Variants in AKT1 observed in about 807,000 individuals in gnomAD.
The protein encoded by AKT1 is AKT serine/threonine kinase 1, also known as RAC-alpha serine/threonine-protein kinase.
AKT1 carries 21 observed loss-of-function variants against 63.1 expected under a neutral mutation model. That is an observed-to-expected ratio of 0.33 (90% confidence interval 0.24 to 0.48). AKT1 has a LOEUF of 0.48. Among genes scored for constraint, AKT1 ranks in the 20% least tolerant of loss-of-function variants. The pLI is 0.99. For synonymous variants in AKT1, 257 were observed against 253.1 expected, an observed-to-expected ratio of 1.02 and a Z score of -0.15; for missense variants, 382 against 666.0, an observed-to-expected ratio of 0.57 and a Z score of 4.69.
chr14:104,775,507 T>G (rs1892649562), intron 6 of AKT1, 145 bp downstream of exon 6: 3 of 1,229,660 alleles, frequency 2.4e-6, no homozygotes, highest in Non-Finnish European at 3.3e-6. Flanking sequence ...GGGAAGCAGC[T>G]GCGCCCTACA....
intron 3 of AKT1, among the ~76,000 whole-genome samples, chr14:104,790,445 T>C (rs1893571396): frequency 6.6e-6 from 1 of 151,450 alleles, no homozygotes; most frequent in South Asian, 2.1e-4. Flanking sequence ...CTAGTACCTC[T>C]AACCAGTGTT....
intron 4 of AKT1, chr14:104,777,731 C>T: frequency 4.1e-6 from 4 of 985,632 alleles, no homozygotes; most frequent in Non-Finnish European, 4.8e-6. Context: ...CAGTGGGGGG[C>T]CTCTGACATT....
intron 3 of AKT1, among the ~76,000 whole-genome samples, chr14:104,780,498 T>C (rs2140952473): frequency 6.6e-6 from 1 of 152,176 alleles, no homozygotes; most frequent in East Asian, 1.9e-4. Flanking sequence ...TGGAGTACCA[T>C]GGACAGGAGG....
In AKT1 at chr14:104,773,112, G is replaced by A. The variant is rs1356314172; in HGVS notation, c.958-20C>T. The A allele has an allele frequency of 1.3e-5, 21 of 1,613,164 alleles. No homozygotes were observed. The highest frequency in any genetic ancestry group is 1.5e-5 in the Non-Finnish European group (18 of 1,179,586). On this transcript the variant is annotated intron_variant, in intron 11 of 14. Coordinates refer to ENST00000649815, the MANE Select transcript of AKT1 (RefSeq NM_001382430.1). ...CAGCACCTGCACGGGTGGCAGATGG[G>A]CAGGACTCGGCATCAAGGGGTGTCC...
intron 3 of AKT1, among the ~76,000 whole-genome samples, chr14:104,782,202 AC>A (rs1382210679): frequency 2.0e-5 from 2 of 98,290 alleles, no homozygotes; most frequent in Non-Finnish European, 4.1e-5. Context: ...ATCCTGGGCC[AC>A]CCCGCTGCTC....
At position 104,780,005 on chromosome 14, in the gene AKT1, C is replaced by T. The variant is rs750750528; in HGVS notation, c.175+83G>A. 1.7e-4 allele frequency: 268 copies of T among 1,550,882 alleles called. 1 individual carries two copies. The Middle Eastern group carries it at 4.0e-3, about 23-fold the overall frequency. ...CCCAGGACTTGGAGGCTCCAGGGGA[C>T]CCCCATCGTGGGGCCTGGTGGGCAA... On this transcript the variant is annotated intron_variant, in intron 4 of 14. Transcript: ENST00000649815.
At chr14:104,774,880 A>G in intron 8 of AKT1, 58 bp downstream of exon 8, 1 of 1,550,274 alleles carries the variant, frequency 6.5e-7, no homozygotes, top group South Asian at 1.2e-5. Flanking sequence ...CCCTAGAGAC[A>G]GCCCCAGGAG....
chr14:104,773,453 A>G lies in AKT1; in HGVS notation c.828+2T>C. ...TGCCCCCCTGCCTGCCCGCCAGCGC[A>G]CCTTGAGGTCCCGGTACACCACGTT... On this transcript the variant is annotated splice_donor_variant, in intron 10 of 14. Transcript: ENST00000649815. LOFTEE classifies it high-confidence loss of function. The G allele has an allele frequency of 6.2e-7, 1 of 1,613,890 alleles. No individual in the cohort carries two copies. Among genetic ancestry groups the G allele is most frequent in the Non-Finnish European group, 8.5e-7 (1 of 1,179,880 alleles).
chr14:104,770,523 G>A (rs1397081050), intron 14 of AKT1, 103 bp from the exon 15 acceptor site: 24 of 1,197,472 alleles, frequency 2.0e-5, no homozygotes, highest in Middle Eastern at 2.8e-4. Context: ...CGGCCAGCAC[G>A]CTGCCATACT....
intron 8 of AKT1, 76 bp from the exon 9 acceptor site, chr14:104,774,056 CTGCTTGATACCACGT>C: frequency 2.1e-6 from 3 of 1,406,692 alleles, no homozygotes. Context: ...CGACACCACG[CTGCTTGATACCACGT>C]CGCCTGATAC....
intron 1 of AKT1, chr14:104,794,026 T>G (rs1486578949): frequency 1.3e-5 from 2 of 152,294 alleles, no homozygotes; most frequent in Non-Finnish European, 2.9e-5. Context: ...CACAAAGGGT[T>G]GCTTTGCACT....
At chr14:104,772,495 G>A in intron 12 of AKT1, 43 bp from the exon 13 acceptor site, 1 of 1,586,684 alleles carries the variant, frequency 6.3e-7, no homozygotes, top group South Asian at 1.1e-5. Context: ...ACCGCCACCT[G>A]CCCAGGCCCT....
chr14:104,773,889 TC>T, intron 9 of AKT1, 22 bp downstream of exon 9: 1 of 1,589,178 alleles, frequency 6.3e-7, no homozygotes, highest in East Asian at 2.3e-5. Flanking sequence ...GCGAAGTCCA[TC>T]CCCCGCAGCC....
At chr14:104,781,536 GTTCT>G (rs1438084835) in intron 3 of AKT1, among the ~76,000 whole-genome samples, 15 of 152,278 alleles carry the variant, frequency 9.9e-5, no homozygotes, top group Admixed American at 5.9e-4. Flanking sequence ...CCACGGGGGA[GTTCT>G]TTAATAGAGG....
At position 104,769,749 on chromosome 14, in the gene AKT1, T is replaced by C. The variant is rs751165631; in HGVS notation, c.*592A>G. The stretch of plus-strand genomic sequence containing the variant: ...AACCTTGCTCCTCTGTCCCACTGGG[T>C]AAACCCTGGCCCATCCCCCATCCCT... On this transcript the variant is annotated 3_prime_UTR_variant, in exon 15 of 15. Coordinates refer to ENST00000649815, the MANE Select transcript of AKT1 (RefSeq NM_001382430.1). The C allele has an allele frequency of 7.5e-6, 3 of 401,340 alleles. No homozygotes were observed. The highest frequency in any genetic ancestry group is 1.4e-5 in the Non-Finnish European group (3 of 212,040). The allele number at this position is 401,340 out of a possible 1,614,324, so 24.9% of individuals were successfully genotyped here.
chr14:104,790,049 C>A (rs1298990093), intron 3 of AKT1, among the ~76,000 whole-genome samples: 1 of 152,222 alleles, frequency 6.6e-6, no homozygotes, highest in African/African-American at 2.4e-5. Context: ...TGCCACCCCA[C>A]CCCTCACACA....
chr14:104,789,327 G>A (rs1183136139), intron 3 of AKT1, among the ~76,000 whole-genome samples: 1 of 152,258 alleles, frequency 6.6e-6, no homozygotes, highest in Non-Finnish European at 1.5e-5. Context: ...AGCCGCGAGT[G>A]GACAAAAACA....
At chr14:104,787,248 G>A (rs1265121293) in intron 3 of AKT1, among the ~76,000 whole-genome samples, 1 of 152,188 alleles carries the variant, frequency 6.6e-6, no homozygotes, top group East Asian at 1.9e-4. Flanking sequence ...ACTCCCGTTG[G>A]AGATGAGGAA....
chr14:104,770,836 G>A lies in AKT1; in HGVS notation c.1272C>T (p.Pro424=). The A allele has an allele frequency of 6.2e-7, 1 of 1,614,080 alleles. No individual in the cohort carries two copies. Among genetic ancestry groups the A allele is most frequent in the Non-Finnish European group, 8.5e-7 (1 of 1,179,978 alleles). ...TCTCCGACGTGACCTGGGGCTTGAAGGGTGGGCTGAGCTGCAGAGGTGGGC... is the reference window on the plus strand; with the variant it reads ...TCTCCGACGTGACCTGGGGCTTGAAAGGTGGGCTGAGCTGCAGAGGTGGGC... ...QHVYEKKLSP[P]FKPQVTSETD... Residue 424 remains proline (P), a synonymous_variant, in exon 14 of 15, where the codon CCC becomes CCT. Coordinates refer to ENST00000649815, the MANE Select transcript of AKT1 (RefSeq NM_001382430.1).
Sources: allele counts gnomAD v4.1 joint callset (sites outside exome capture counted in the v4.1 genomes callset), GRCh38; gene constraint gnomAD v4.1.1; transcripts MANE v1.5; gene names NCBI Gene and HGNC (gene_info 2026-07-23, HGNC 2026-07-21).